Variants in GGACT observed in about 807,000 individuals in gnomAD.
The protein encoded by GGACT is gamma-glutamylaminecyclotransferase.
For missense variants in GGACT, 241 were observed against 233.2 expected (o/e 1.03, Z -0.22); for synonymous variants, 118 against 115.3 (o/e 1.02, Z -0.15).
intron 2 of GGACT, among the ~76,000 whole-genome samples, chr13:100,583,370 A>G (rs1875472573): frequency 6.6e-6 from 1 of 152,228 alleles, no homozygotes; most frequent in South Asian, 2.1e-4. Flanking sequence ...CACAAAGTAC[A>G]AAAAATAGGG....
At chr13:100,582,360 T>C (rs1048582906) in intron 2 of GGACT, among the ~76,000 whole-genome samples, 1 of 152,228 alleles carries the variant, frequency 6.6e-6, no homozygotes, top group African/African-American at 2.4e-5. Context: ...CACATTCACC[T>C]TCTTTTGTCT....
chr13:100,565,047 T>C (rs2088799195), intron 2 of GGACT, among the ~76,000 whole-genome samples: 1 of 152,242 alleles, frequency 6.6e-6, no homozygotes, highest in African/African-American at 2.4e-5. Context: ...TGGTATGCTC[T>C]CCCTGTAGTA....
chr13:100,570,004 A>G (rs1465418608), intron 2 of GGACT, among the ~76,000 whole-genome samples: 2 of 152,210 alleles, frequency 1.3e-5, no homozygotes, highest in Non-Finnish European at 2.9e-5. Context: ...ATTTTGGACA[A>G]AGTCATTCAA....
chr13:100,557,052 G>T (rs925149215), intron 2 of GGACT, among the ~76,000 whole-genome samples: 3 of 152,048 alleles, frequency 2.0e-5, no homozygotes, highest in African/African-American at 7.2e-5. Context: ...ACCACGCCTG[G>T]TAATGTTTTT....
Position 100,534,897 on chromosome 13 carries a change from G to A in GGACT, c.-10-2296C>T, listed in dbSNP as rs2088469648. On this transcript the variant is annotated intron_variant, in intron 2 of 2. Transcript: ENST00000683975. This position sits in a 1 kb window ranked among gnomAD's most constrained non-coding sequence, Gnocchi z 4.9. ...CTCTCCCCTCATCCAGGTGGCTCCT[G>A]CCCCGACCAGCGCCTGACCTGGAGG... 6.6e-6 allele frequency among the ~76,000 whole-genome samples: 1 copy of A among 152,206 alleles called. No homozygotes were observed. Among genetic ancestry groups the A allele is most frequent in the Non-Finnish European group, 1.5e-5 (1 of 68,030 alleles).
chr13:100,556,803 A>T (rs2088712141), intron 2 of GGACT, among the ~76,000 whole-genome samples: 1 of 152,216 alleles, frequency 6.6e-6, no homozygotes, highest in South Asian at 2.1e-4. Flanking sequence ...ACCCACAAAA[A>T]TTAAAAAATA....
chr13:100,553,086 A>G (rs1256089536), intron 2 of GGACT, among the ~76,000 whole-genome samples: 2 of 152,318 alleles, frequency 1.3e-5, no homozygotes, highest in African/African-American at 2.4e-5. Context: ...CGGGCCTCCA[A>G]GGGCCTTCCA....
chr13:100,578,161 C>T (rs1211370715), intron 2 of GGACT, among the ~76,000 whole-genome samples: 1 of 152,196 alleles, frequency 6.6e-6, no homozygotes, highest in African/African-American at 2.4e-5. Context: ...CAAGTGCACT[C>T]CTCTTTTCCT....
chr13:100,542,845 G>A (rs559472185), intron 2 of GGACT, among the ~76,000 whole-genome samples: 1 of 152,320 alleles, frequency 6.6e-6, no homozygotes, highest in South Asian at 2.1e-4. Context: ...TGTCCATCTG[G>A]TCGGGCGCTG....
intron 2 of GGACT, among the ~76,000 whole-genome samples, chr13:100,548,000 G>A (rs2088624193): frequency 6.6e-6 from 1 of 152,216 alleles, no homozygotes; most frequent in Non-Finnish European, 1.5e-5. Context: ...ATTCTGCCTG[G>A]GGCAGCAAAA....
intron 2 of GGACT, among the ~76,000 whole-genome samples, chr13:100,544,010 G>C (rs141347733): frequency 0.015 from 2,325 of 152,312 alleles, 65 homozygotes; most frequent in African/African-American, 0.052. Flanking sequence ...ACCACCAGCA[G>C]CCCCACACTG....
chr13:100,532,979 G>A (rs962745728), intron 2 of GGACT, among the ~76,000 whole-genome samples: 2 of 152,162 alleles, frequency 1.3e-5, no homozygotes, highest in Non-Finnish European at 2.9e-5. Flanking sequence ...CCTGCGTTCT[G>A]GGCAGGAGGA....
chr13:100,546,379 A>G (rs1461448039), intron 2 of GGACT, among the ~76,000 whole-genome samples: 2 of 151,832 alleles, frequency 1.3e-5, no homozygotes, highest in Non-Finnish European at 2.9e-5. Flanking sequence ...AAAAAAAAAA[A>G]AAAAAGAAAT....
At chr13:100,574,490 C>T (rs1294319392) in intron 2 of GGACT, among the ~76,000 whole-genome samples, 5 of 152,116 alleles carry the variant, frequency 3.3e-5, no homozygotes, top group Admixed American at 3.3e-4. Context: ...GCAGAAGAAT[C>T]GATTGAACCT....
In GGACT at chr13:100,545,483, A is replaced by T. The variant is rs1465272902; in HGVS notation, c.-10-12882T>A. 6.6e-6 allele frequency among the ~76,000 whole-genome samples: 1 copy of T among 152,130 alleles called. No individual in the cohort carries two copies. Among genetic ancestry groups the T allele is most frequent in the Non-Finnish European group, 1.5e-5 (1 of 68,014 alleles). ...AAGCACTCCAGGGCCCCAGGCAGCC[A>T]GTGGCCTGGGCTGCCCTCATACCAG... On this transcript the variant is annotated intron_variant, in intron 2 of 2. Transcript: ENST00000683975. This position sits in a 1 kb window ranked among gnomAD's most constrained non-coding sequence, Gnocchi z 4.4.
intron 2 of GGACT, among the ~76,000 whole-genome samples, chr13:100,551,526 C>A (rs1000258175): frequency 1.3e-5 from 2 of 152,166 alleles, no homozygotes; most frequent in Non-Finnish European, 2.9e-5. Context: ...CTCCTGGGGG[C>A]CATGCTTCAG....
At chr13:100,536,940 G>C (rs1028384574) in intron 2 of GGACT, 1 of 152,556 alleles carries the variant, frequency 6.6e-6, no homozygotes, top group African/African-American at 2.4e-5. Context: ...CCGTGTCTTG[G>C]CCTGTCCTTG....
intron 2 of GGACT, among the ~76,000 whole-genome samples, chr13:100,562,647 T>C (rs1446298221): frequency 6.6e-6 from 1 of 151,858 alleles, no homozygotes; most frequent in Middle Eastern, 3.2e-3. Context: ...AATACAAAAA[T>C]TAGCCAGGCA....
At chr13:100,555,522 C>T (rs2088702062) in intron 2 of GGACT, among the ~76,000 whole-genome samples, 1 of 151,682 alleles carries the variant, frequency 6.6e-6, no homozygotes, top group South Asian at 2.1e-4. Flanking sequence ...AGAGTGAGAC[C>T]CCATCTCAGG....
Sources: allele counts gnomAD v4.1 joint callset (sites outside exome capture counted in the v4.1 genomes callset), GRCh38; gene constraint gnomAD v4.1.1; non-coding constraint Gnocchi (gnomAD v3.1); transcripts MANE v1.5; gene names NCBI Gene and HGNC (gene_info 2026-07-23, HGNC 2026-07-21).